The following PAK5 variants were observed in gnomAD, a reference collection of about 807,000 sequenced individuals.
PAK5 encodes p21 (RAC1) activated kinase 5, also known as serine/threonine-protein kinase PAK 5.
In PAK5, 16 loss-of-function variants were observed where a neutral mutation model predicts 65.9. The ratio of observed to expected loss-of-function variants is 0.24; its 90% CI spans 0.16 to 0.37. The LOEUF (loss-of-function observed/expected upper bound fraction) is 0.37. Ranked by LOEUF, PAK5 falls within the 10% of genes least tolerant of loss-of-function variation. PAK5 has a pLI of 1.00. For missense variants in PAK5, 785 were observed against 903.9 expected (o/e 0.87, Z 1.69); for synonymous variants, 371 against 354.9 (o/e 1.05, Z -0.51).
At chr20:9,642,101 G>T (rs945316123) in intron 3 of PAK5, among the ~76,000 whole-genome samples, 1 of 152,236 alleles carries the variant, frequency 6.6e-6, no homozygotes, top group Non-Finnish European at 1.5e-5. Context: ...AGGCAGGGGA[G>T]GTGCCGAGAG....
chr20:9,824,824 C>CT (rs986592375), intron 1 of PAK5, among the ~76,000 whole-genome samples: 14 of 152,138 alleles, frequency 9.2e-5, no homozygotes, highest in Non-Finnish European at 1.6e-4. Flanking sequence ...GTCTCTCCTT[C>CT]TTTTTTTATC....
intron 2 of PAK5, among the ~76,000 whole-genome samples, chr20:9,694,925 A>G (rs940825769): frequency 1.8e-4 from 27 of 152,022 alleles, no homozygotes; most frequent in African/African-American, 6.0e-4. Flanking sequence ...TAAGAGTAGC[A>G]TTGCTGTGTC....
chr20:9,648,472 C>CTTTT (rs34935319), intron 2 of PAK5, among the ~76,000 whole-genome samples: 1 of 143,972 alleles, frequency 6.9e-6, no homozygotes, highest in African/African-American at 2.5e-5. Context: ...ACATAAACCT[C>CTTTT]TTTTTTTTTT....
At chr20:9,571,649 T>A (rs1191048914) in intron 4 of PAK5, among the ~76,000 whole-genome samples, 1 of 152,202 alleles carries the variant, frequency 6.6e-6, no homozygotes, top group East Asian at 1.9e-4. Flanking sequence ...CCAGGGACTG[T>A]TCTAAGCACA....
chr20:9,632,994 A>G (rs1050730007), intron 3 of PAK5, among the ~76,000 whole-genome samples: 2 of 152,146 alleles, frequency 1.3e-5, no homozygotes, highest in Non-Finnish European at 2.9e-5. Context: ...CTTACCCAAA[A>G]GACGGAGTTA....
intron 3 of PAK5, among the ~76,000 whole-genome samples, chr20:9,599,547 C>G (rs2046325397): frequency 6.6e-6 from 1 of 152,176 alleles, no homozygotes. Flanking sequence ...TTAATCATAG[C>G]CATCCTAATG....
At chr20:9,779,004 A>G (rs1248186451) in intron 1 of PAK5, among the ~76,000 whole-genome samples, 1 of 151,986 alleles carries the variant, frequency 6.6e-6, no homozygotes, top group African/African-American at 2.4e-5. Context: ...TATTATGATG[A>G]TTATTTTTCC....
rs1385029199 is a variant in PAK5, at chr20:9,578,002, C to T, written c.990+2143G>A. Among the ~76,000 whole-genome samples, 5 of 152,284 alleles carry T rather than the reference C, an allele frequency of 3.3e-5. No homozygotes were observed. The East Asian group carries it at 7.7e-4, about 24-fold the overall frequency. ...GGGAATTAAAGTGAATCACCCCTCC[C>T]ACCCTCGTTCTTCTGTCACTTAGAC... On this transcript the variant is annotated intron_variant, in intron 4 of 9. Coordinates refer to ENST00000353224, the MANE Select transcript of PAK5 (RefSeq NM_177990.4).
chr20:9,658,110 A>G (rs1438814273), intron 2 of PAK5, among the ~76,000 whole-genome samples: 1 of 152,206 alleles, frequency 6.6e-6, no homozygotes, highest in Admixed American at 6.5e-5. Flanking sequence ...TGGAAATATC[A>G]CTGTTATTTG....
Position 9,606,312 on chromosome 20 carries a change from G to T in PAK5, c.205-25382C>A, listed in dbSNP as rs544940688. 5.3e-5 allele frequency among the ~76,000 whole-genome samples: 8 copies of T among 152,224 alleles called. No homozygotes were observed. In the East Asian group the frequency reaches 7.7e-4, roughly 15 times the overall value. ...CCCCGATGATTGTAAGTTTTCTGAG[G>T]CCTCCCCAGACACCAAGTAGATGCC... is the stretch of plus-strand genomic sequence containing the variant. On this transcript the variant is annotated intron_variant, in intron 3 of 9. Transcript: ENST00000353224.
At chr20:9,708,650 C>T (rs2048038624) in intron 2 of PAK5, among the ~76,000 whole-genome samples, 1 of 152,066 alleles carries the variant, frequency 6.6e-6, no homozygotes, top group Non-Finnish European at 1.5e-5. Context: ...CAAAAGCAAA[C>T]ATCTGGGACT....
intron 3 of PAK5, among the ~76,000 whole-genome samples, chr20:9,613,526 G>T (rs2046602517): frequency 6.6e-6 from 1 of 152,178 alleles, no homozygotes; most frequent in South Asian, 2.1e-4. Context: ...GCTTAACCAG[G>T]TTCTCACAGT....
intron 1 of PAK5, among the ~76,000 whole-genome samples, chr20:9,742,842 T>C (rs1386521330): frequency 1.3e-5 from 2 of 152,220 alleles, no homozygotes; most frequent in Admixed American, 1.3e-4. Context: ...CACTTGTTCT[T>C]TCCCTCCTTG....
At chr20:9,684,013 G>C (rs1421625849) in intron 2 of PAK5, among the ~76,000 whole-genome samples, 1 of 152,144 alleles carries the variant, frequency 6.6e-6, no homozygotes, top group African/African-American at 2.4e-5. Context: ...GAGGAGAGTG[G>C]AACAAAAGCC....
At chr20:9,693,940 T>G (rs778017655) in intron 2 of PAK5, among the ~76,000 whole-genome samples, 1 of 152,206 alleles carries the variant, frequency 6.6e-6, no homozygotes, top group African/African-American at 2.4e-5. Context: ...TAACTGTATA[T>G]AGAGTTATTC....
At chr20:9,765,008 T>A (rs900214738) in intron 1 of PAK5, among the ~76,000 whole-genome samples, 3 of 152,152 alleles carry the variant, frequency 2.0e-5, no homozygotes, top group Non-Finnish European at 4.4e-5. Flanking sequence ...AATTGATAAA[T>A]CACTTTTGCA....
intron 3 of PAK5, among the ~76,000 whole-genome samples, chr20:9,640,597 T>C (rs1413591430): frequency 6.6e-6 from 1 of 152,172 alleles, no homozygotes; most frequent in East Asian, 1.9e-4. Context: ...TTGGTCTCAC[T>C]GACTTCAAGA....
chr20:9,621,008 A>G (rs2046758283), intron 3 of PAK5, among the ~76,000 whole-genome samples: 1 of 151,812 alleles, frequency 6.6e-6, no homozygotes, highest in Admixed American at 6.6e-5. Context: ...GAACAGATTA[A>G]ACTCTTACCC....
intron 4 of PAK5, among the ~76,000 whole-genome samples, chr20:9,575,927 T>C (rs1161463054): frequency 6.6e-6 from 1 of 152,208 alleles, no homozygotes; most frequent in Non-Finnish European, 1.5e-5. Context: ...CATAAAGATT[T>C]GGAGTCTCAG....
Sources: gnomAD v4.1 joint callset for allele counts (sites outside exome capture counted in the v4.1 genomes callset) on GRCh38, gnomAD v4.1.1 for gene constraint, MANE v1.5 for transcripts, NCBI Gene and HGNC (gene_info 2026-07-23, HGNC 2026-07-21) for gene names.